KLHL1: variants seen among roughly 807,000 people sequenced by gnomAD.
KLHL1 encodes kelch like family member 1, also known as kelch-like protein 1.
In KLHL1, 47 loss-of-function variants were observed where a neutral mutation model predicts 77.7. The ratio of observed to expected loss-of-function variants is 0.60; its 90% CI spans 0.48 to 0.77. The LOEUF (loss-of-function observed/expected upper bound fraction) is 0.77, where lower values mean the gene tolerates loss of function less well. Among genes scored for constraint, KLHL1 ranks in the 30% least tolerant of loss-of-function variants. The probability of loss-of-function intolerance (pLI) is 0.00; values close to 1 mark genes in which losing one functional copy is unlikely to be tolerated. For synonymous variants in KLHL1, 360 were observed against 325.2 expected (o/e 1.11, Z -1.15); for missense variants, 925 against 910.8 (o/e 1.02, Z -0.20).
chr13:69,909,126 T>C (rs1422429776), intron 4 of KLHL1, among the ~76,000 whole-genome samples: 2 of 150,634 alleles, frequency 1.3e-5, no homozygotes, highest in African/African-American at 2.4e-5. Flanking sequence ...TAGAATTCTA[T>C]GTGAAAAGGA....
chr13:69,755,113 T>C (rs1487903343), intron 7 of KLHL1, among the ~76,000 whole-genome samples: 1 of 152,078 alleles, frequency 6.6e-6, no homozygotes, highest in East Asian at 1.9e-4. Context: ...AGTGATTGGG[T>C]CATGGGGGTG....
intron 4 of KLHL1, among the ~76,000 whole-genome samples, chr13:69,904,923 A>G (rs1261426768): frequency 2.0e-5 from 3 of 152,184 alleles, no homozygotes; most frequent in Non-Finnish European, 4.4e-5. Context: ...TGCATTTTCT[A>G]CAATAATAAT....
At chr13:69,936,425 C>T (rs1883190217) in intron 4 of KLHL1, among the ~76,000 whole-genome samples, 1 of 151,726 alleles carries the variant, frequency 6.6e-6, no homozygotes, top group Non-Finnish European at 1.5e-5. Flanking sequence ...CTCGTCTCTA[C>T]TAAAAATACA....
intron 9 of KLHL1, among the ~76,000 whole-genome samples, chr13:69,716,840 G>GA (rs1872777382): frequency 6.6e-6 from 1 of 152,104 alleles, no homozygotes; most frequent in Non-Finnish European, 1.5e-5. Context: ...GACTAAATAG[G>GA]TAAATGAATG....
intron 2 of KLHL1, among the ~76,000 whole-genome samples, chr13:69,965,539 C>T (rs1302864241): frequency 2.0e-5 from 3 of 152,140 alleles, no homozygotes; most frequent in Non-Finnish European, 4.4e-5. Flanking sequence ...TACTAATAAC[C>T]CTGCAATGCC....
chr13:69,790,661 A>G (rs1431863593), intron 7 of KLHL1, among the ~76,000 whole-genome samples: 1 of 152,188 alleles, frequency 6.6e-6, no homozygotes, highest in African/African-American at 2.4e-5. Flanking sequence ...TTTTAATTTA[A>G]TATACTCTAC....
chr13:69,842,339 A>G (rs992561605), intron 5 of KLHL1, among the ~76,000 whole-genome samples: 2 of 151,808 alleles, frequency 1.3e-5, no homozygotes, highest in Non-Finnish European at 2.9e-5. Context: ...ACAAAAAACA[A>G]CTCAACAAGA....
At chr13:69,984,578 C>T (rs146665242) in intron 1 of KLHL1, among the ~76,000 whole-genome samples, 108 of 152,248 alleles carry the variant, frequency 7.1e-4, no homozygotes, top group African/African-American at 2.1e-3. Context: ...TCAGATACTG[C>T]CTCCTCTAGC....
At chr13:70,064,663 G>A (rs766545566) in intron 1 of KLHL1, among the ~76,000 whole-genome samples, 48 of 152,106 alleles carry the variant, frequency 3.2e-4, no homozygotes, top group Non-Finnish European at 5.7e-4. Context: ...TGCCTAACAC[G>A]GTATCTGGTA....
At chr13:69,926,551 C>T (rs1882819739) in intron 4 of KLHL1, among the ~76,000 whole-genome samples, 1 of 152,014 alleles carries the variant, frequency 6.6e-6, no homozygotes, top group Non-Finnish European at 1.5e-5. Context: ...AATGTAATGC[C>T]TATCAAAATC....
chr13:69,741,209 A>G (rs1248555273), intron 7 of KLHL1, among the ~76,000 whole-genome samples: 5 of 152,298 alleles, frequency 3.3e-5, no homozygotes, highest in South Asian at 2.1e-4. Context: ...GAAGATATAT[A>G]TAACTAGTAC....
chr13:69,740,626 G>C (rs1309327934), intron 7 of KLHL1, 70 bp from the exon 8 acceptor site: 1 of 1,186,930 alleles, frequency 8.4e-7, no homozygotes, highest in African/African-American at 1.5e-5. Context: ...AATCTGTTAA[G>C]TGGGTAGATC....
chr13:70,060,187 A>G (rs1886844065), intron 1 of KLHL1, among the ~76,000 whole-genome samples: 1 of 151,756 alleles, frequency 6.6e-6, no homozygotes. Flanking sequence ...ATCATTGATC[A>G]TAAGAGATCA....
intron 4 of KLHL1, among the ~76,000 whole-genome samples, chr13:69,885,816 C>T (rs759379125): frequency 6.6e-6 from 1 of 152,000 alleles, no homozygotes; most frequent in Non-Finnish European, 1.5e-5. Flanking sequence ...ATGGGAGACA[C>T]GTAGAAAAAG....
chr13:70,029,109 A>AATACTGTG (rs1299939318), intron 1 of KLHL1, among the ~76,000 whole-genome samples: 3 of 152,064 alleles, frequency 2.0e-5, no homozygotes, highest in African/African-American at 4.8e-5. Flanking sequence ...TTTTGTCACC[A>AATACTGTG]TTCTGTGTTG....
intron 1 of KLHL1, among the ~76,000 whole-genome samples, chr13:70,094,391 C>A (rs1196537773): frequency 8.7e-6 from 1 of 114,632 alleles, no homozygotes; most frequent in African/African-American, 5.1e-5. Flanking sequence ...ATGCAATCAT[C>A]TTTATATATA....
intron 1 of KLHL1, among the ~76,000 whole-genome samples, chr13:70,072,482 G>A (rs949308074): frequency 3.3e-5 from 5 of 152,016 alleles, no homozygotes; most frequent in Admixed American, 1.3e-4. Flanking sequence ...AGACAATGAT[G>A]TTACGAAAAA....
chr13:69,986,848 T>C (rs1884885372), intron 1 of KLHL1, among the ~76,000 whole-genome samples: 1 of 152,014 alleles, frequency 6.6e-6, no homozygotes, highest in Non-Finnish European at 1.5e-5. Flanking sequence ...TCTGACATAC[T>C]TATTATTTGT....
chr13:70,087,607 T>C (rs1295961045), intron 1 of KLHL1, among the ~76,000 whole-genome samples: 1 of 151,088 alleles, frequency 6.6e-6, no homozygotes, highest in East Asian at 1.9e-4. Flanking sequence ...CCAAACCCAA[T>C]GCTTTCTCTT....
Sources: allele counts gnomAD v4.1 joint callset (sites outside exome capture counted in the v4.1 genomes callset), GRCh38; gene constraint gnomAD v4.1.1; transcripts MANE v1.5; gene names NCBI Gene and HGNC (gene_info 2026-07-23, HGNC 2026-07-21).